The following GRIP1 variants were observed in gnomAD, a reference collection of about 807,000 sequenced individuals.
GRIP1 encodes the protein glutamate receptor interacting protein 1, also known as glutamate receptor-interacting protein 1.
GRIP1 carries 45 observed loss-of-function variants against 129.9 expected under a neutral mutation model. The ratio of observed to expected loss-of-function variants is 0.35; its 90% CI spans 0.27 to 0.44. GRIP1 has a LOEUF of 0.44. Ranked by LOEUF, GRIP1 falls within the 20% of genes least tolerant of loss-of-function variation. The probability of loss-of-function intolerance (pLI) is 1.00; values close to 1 mark genes in which losing one functional copy is unlikely to be tolerated. For synonymous variants in GRIP1, 530 were observed against 520.8 expected, an observed-to-expected ratio of 1.02 and a Z score of -0.24; for missense variants, 1,196 against 1,396.8, an observed-to-expected ratio of 0.86 and a Z score of 2.29.
At position 66,455,427 on chromosome 12, in the gene GRIP1, T is replaced by C. The variant is rs1332186757; in HGVS notation, c.1336A>G (p.Lys446Glu). The change falls in exon 11 of 25, where the codon AAA becomes GAA. Residue 446 changes from lysine to glutamate, a missense_variant. This residue lies in a region of GRIP1 where 508 missense variants were observed against 587.0 expected (regional missense o/e 0.87). Coordinates refer to ENST00000359742, the MANE Select transcript of GRIP1 (RefSeq NM_001366722.1). Reference protein sequence around the residue: ...GTMMRRRLKKKDFKSSLSLAS... With the variant: ...GTMMRRRLKKEDFKSSLSLAS... The stretch of plus-strand genomic sequence containing the variant: ...CACTTACATGAGCTTTTGAAGTCTT[T>C]CTTTTTCAGTCTCCTCCTCATCATG... 6.2e-7 allele frequency: 1 copy of C among 1,614,098 alleles called. No homozygotes were observed. The highest frequency in any genetic ancestry group is 1.3e-5 in the African/African-American group (1 of 74,946).
At chr12:66,391,017 AT>A (rs934683632) in intron 19 of GRIP1, among the ~76,000 whole-genome samples, 6 of 151,446 alleles carry the variant, frequency 4.0e-5, no homozygotes, top group Admixed American at 2.0e-4. Context: ...ATCTCCTTTC[AT>A]TTTTTTTTCC....
At chr12:66,389,909 G>A (rs1475124711) in intron 19 of GRIP1, among the ~76,000 whole-genome samples, 1 of 152,314 alleles carries the variant, frequency 6.6e-6, no homozygotes, top group South Asian at 2.1e-4. Flanking sequence ...TAAAGGAACT[G>A]GGGCTATTTT....
intron 23 of GRIP1, among the ~76,000 whole-genome samples, chr12:66,370,219 T>C (rs183502984): frequency 5.4e-4 from 83 of 152,356 alleles, no homozygotes; most frequent in African/African-American, 1.8e-3. Context: ...CCCTCAAGGC[T>C]GCCCAGGCTT....
intron 2 of GRIP1, among the ~76,000 whole-genome samples, chr12:66,546,226 A>G (rs1016355473): frequency 1.3e-5 from 2 of 152,212 alleles, no homozygotes; most frequent in Admixed American, 6.5e-5. Context: ...GCAGTGGCTC[A>G]TGCCTATAAT....
At chr12:66,798,091 G>T (rs1592855740) in intron 1 of GRIP1, among the ~76,000 whole-genome samples, 2 of 152,196 alleles carry the variant, frequency 1.3e-5, no homozygotes, top group East Asian at 3.9e-4. Flanking sequence ...GACAAATGAT[G>T]ACCACTACAT....
intron 1 of GRIP1, among the ~76,000 whole-genome samples, chr12:67,064,359 C>G (rs748812856): frequency 6.6e-5 from 10 of 152,158 alleles, no homozygotes; most frequent in Non-Finnish European, 1.2e-4. Flanking sequence ...AACTTGACTT[C>G]TTTTTAAATA....
In GRIP1 at chr12:66,678,791, C is replaced by G. The variant is rs117663663; in HGVS notation, c.55+59G>C. The stretch of plus-strand genomic sequence containing the variant: ...ATATTTGAAAGTAAAAACCATTAAA[C>G]TGTGTTTATAGGATACTGCAACAGA... On this transcript the variant is annotated intron_variant, in intron 1 of 24. Coordinates refer to ENST00000359742, the MANE Select transcript of GRIP1 (RefSeq NM_001366722.1). 1,674 of 1,492,090 alleles carry G rather than the reference C, an allele frequency of 1.1e-3. 28 individuals carry two copies. The East Asian group carries it at 0.034, about 31-fold the overall frequency. The allele number at this position is 1,492,090 out of a possible 1,614,324, so 92.4% of individuals were successfully genotyped here.
intron 1 of GRIP1, among the ~76,000 whole-genome samples, chr12:66,891,536 T>C (rs1443902921): frequency 1.3e-5 from 2 of 152,110 alleles, no homozygotes; most frequent in African/African-American, 2.4e-5. Flanking sequence ...GACCGAAGAA[T>C]ACAAAGTAGA....
intron 1 of GRIP1, among the ~76,000 whole-genome samples, chr12:67,043,466 C>T (rs556739530): frequency 1.3e-5 from 2 of 152,250 alleles, no homozygotes; most frequent in East Asian, 1.9e-4. Flanking sequence ...TCAGCTCCTC[C>T]TAAAGATACA....
chr12:66,766,380 G>A (rs1404257772), intron 1 of GRIP1, among the ~76,000 whole-genome samples: 1 of 152,160 alleles, frequency 6.6e-6, no homozygotes, highest in African/African-American at 2.4e-5. Flanking sequence ...AAGGTGGCTG[G>A]TATTCCAGGG....
At chr12:66,653,238 TTAATCAGTC>T (rs1423969375) in intron 1 of GRIP1, among the ~76,000 whole-genome samples, 1 of 152,002 alleles carries the variant, frequency 6.6e-6, no homozygotes, top group East Asian at 1.9e-4. Flanking sequence ...GTGTTAATAT[TTAATCAGTC>T]TAATTACCCC....
Position 66,723,211 on chromosome 12 carries a change from T to C in GRIP1, c.-420+80842A>G, listed in dbSNP as rs1259084866. The stretch of plus-strand genomic sequence containing the variant: ...AGGGTTTTTCATCTTCTTTTCTTTC[T>C]TTCTTTCTTTCTTTCTCTCTCTCTC... On this transcript the variant is annotated intron_variant, in intron 1 of 4. Coordinates refer to the GRIP1 transcript ENST00000538373. Among the ~76,000 whole-genome samples the C allele has an allele frequency of 3.3e-3, 164 of 49,590 alleles. 2 individuals are homozygous for C. Among genetic ancestry groups the C allele is most frequent in the African/African-American group, 0.018 (148 of 8,300 alleles). The allele number at this position is 49,590 out of a possible 152,430, so 32.5% of individuals were successfully genotyped here.
intron 1 of GRIP1, among the ~76,000 whole-genome samples, chr12:66,789,769 A>G (rs2038469786): frequency 6.6e-6 from 1 of 152,116 alleles, no homozygotes; most frequent in South Asian, 2.1e-4. Flanking sequence ...TTTCATCTTA[A>G]TTTATTCTCT....
At chr12:66,375,294 C>A (rs1302451282) in intron 22 of GRIP1, among the ~76,000 whole-genome samples, 1 of 152,080 alleles carries the variant, frequency 6.6e-6, no homozygotes, top group Non-Finnish European at 1.5e-5. Context: ...TAAAGTTGAA[C>A]CTAAATTATT....
At chr12:66,501,672 C>T (rs1181699551) in intron 7 of GRIP1, among the ~76,000 whole-genome samples, 2 of 152,152 alleles carry the variant, frequency 1.3e-5, no homozygotes, top group African/African-American at 4.8e-5. Context: ...GAGAGATCGC[C>T]TCCCCTGACA....
chr12:66,599,676 C>T (rs1353104), intron 1 of GRIP1, among the ~76,000 whole-genome samples: 6,921 of 152,194 alleles, frequency 0.045, 313 homozygotes, highest in African/African-American at 0.12. Context: ...GGGTGCATTT[C>T]AAACCCTTGA....
chr12:66,434,520 T>C (rs1488441666), intron 13 of GRIP1, among the ~76,000 whole-genome samples: 2 of 152,238 alleles, frequency 1.3e-5, no homozygotes, highest in Non-Finnish European at 2.9e-5. Context: ...GAGCAAATTA[T>C]TTCCCACAGG....
chr12:66,633,302 C>CACTATACTATACTAT (rs111238786), intron 1 of GRIP1, among the ~76,000 whole-genome samples: 59 of 145,272 alleles, frequency 4.1e-4, no homozygotes, highest in Admixed American at 1.1e-3. Flanking sequence ...TACCATACTA[C>CACTATACTATACTAT]ACTATACTAT....
At position 66,444,575 on chromosome 12, in the gene GRIP1, T is replaced by A; in HGVS notation, c.1687+9A>T. On this transcript the variant is annotated intron_variant, in intron 13 of 24. Transcript: ENST00000359742. ...CATGCAGTCCACTCCTGAGATGATATGATTATACCTGCAACATCAAACTCG... is the reference window on the plus strand; with the variant it reads ...CATGCAGTCCACTCCTGAGATGATAAGATTATACCTGCAACATCAAACTCG... 1.2e-6 allele frequency: 2 copies of A among 1,602,990 alleles called. No homozygotes were observed. The highest frequency in any genetic ancestry group is 1.7e-6 in the Non-Finnish European group (2 of 1,178,272).
Sources: gnomAD v4.1 joint callset for allele counts (sites outside exome capture counted in the v4.1 genomes callset) on GRCh38, gnomAD v4.1.1 for gene constraint, gnomAD v4.1.1 regional missense constraint, MANE v1.5 for transcripts, NCBI Gene and HGNC (gene_info 2026-07-23, HGNC 2026-07-21) for gene names.